Variants in CEP192 observed in about 807,000 individuals in gnomAD.
The protein encoded by CEP192 is centrosomal protein 192, also known as centrosomal protein of 192 kDa.
A neutral mutation model predicts 271.8 loss-of-function variants in CEP192; 151 were observed. That is an observed-to-expected ratio of 0.56 (90% CI 0.49 to 0.64). CEP192 has a LOEUF of 0.64. Ranked by LOEUF, CEP192 falls within the 30% of genes least tolerant of loss-of-function variation. The pLI, the probability that CEP192 is intolerant of heterozygous loss-of-function variation, is 0.00. For missense variants in CEP192, 2,910 were observed against 3,020.5 expected (o/e 0.96, Z 0.86); for synonymous variants, 995 against 1,076.5 (o/e 0.92, Z 1.48).
Position 13,073,095 on chromosome 18 carries a change from A to G in CEP192, c.5526A>G (p.Val1842=), listed in dbSNP as rs989188810. 6.2e-7 allele frequency: 1 copy of G among 1,613,740 alleles called. No homozygotes were observed. The highest frequency in any genetic ancestry group is 1.7e-5 in the Admixed American group (1 of 59,942). ...CAAAGGAAGACATTTTCATCTCTGTATTATTTGCACCTACTCGATTATCTT... is the reference window on the plus strand; with the variant it reads ...CAAAGGAAGACATTTTCATCTCTGTGTTATTTGCACCTACTCGATTATCTT... ...IHPKEDIFIS[V]LFAPTRLSCM... is the part of the protein sequence containing the mutation. Residue 1842 remains valine, a synonymous_variant, in exon 30 of 45, where the codon GTA becomes GTG. Transcript: ENST00000506447.
chr18:13,087,797 G>A (rs1021396046), intron 32 of CEP192, 151 bp downstream of exon 32: 1 of 430,120 alleles, frequency 2.3e-6, no homozygotes, highest in Non-Finnish European at 4.1e-6. Context: ...TGGATGATGA[G>A]CTACCACAAT....
At chr18:13,080,148 A>C (rs904643964) in intron 30 of CEP192, among the ~76,000 whole-genome samples, 2 of 152,128 alleles carry the variant, frequency 1.3e-5, no homozygotes, top group Non-Finnish European at 2.9e-5. Context: ...ATGAACTTTA[A>C]AGTAGTTTTT....
chr18:13,030,920 T>C (rs1196230762), intron 11 of CEP192, among the ~76,000 whole-genome samples: 1 of 152,166 alleles, frequency 6.6e-6, no homozygotes, highest in East Asian at 1.9e-4. Flanking sequence ...ATTTGTGACC[T>C]GAGCAAAGGA....
chr18:13,111,700 G>C (rs943616073), intron 40 of CEP192, among the ~76,000 whole-genome samples: 8 of 152,130 alleles, frequency 5.3e-5, no homozygotes, highest in African/African-American at 1.9e-4. Flanking sequence ...ACAGAGAATA[G>C]GGACAAAAAT....
At chr18:13,022,076 A>AT (rs2035027096) in intron 9 of CEP192, among the ~76,000 whole-genome samples, 2 of 151,870 alleles carry the variant, frequency 1.3e-5, no homozygotes, top group East Asian at 1.9e-4. Context: ...TTTGAGATTC[A>AT]TTTTTTTGCA....
chr18:13,113,343 C>A (rs1156707181), intron 40 of CEP192, among the ~76,000 whole-genome samples: 3 of 152,196 alleles, frequency 2.0e-5, no homozygotes, highest in African/African-American at 7.2e-5. Flanking sequence ...CACAGTAAAG[C>A]ATTTATTGTA....
chr18:13,019,287 C>A, intron 9 of CEP192, 81 bp downstream of exon 9: 1 of 1,182,284 alleles, frequency 8.5e-7, no homozygotes, highest in South Asian at 2.3e-5. Context: ...CAGTTTTTTT[C>A]AAAGAAACAG....
At chr18:13,120,521 A>G (rs2040613153) in intron 44 of CEP192, among the ~76,000 whole-genome samples, 1 of 152,248 alleles carries the variant, frequency 6.6e-6, no homozygotes, top group East Asian at 1.9e-4. Context: ...GTGAGAAAAT[A>G]TTTTTAAATT....
At chr18:13,099,245 C>A (rs936373631) in intron 36 of CEP192, among the ~76,000 whole-genome samples, 1 of 151,696 alleles carries the variant, frequency 6.6e-6, no homozygotes, top group African/African-American at 2.4e-5. Context: ...TGAGTTTTGC[C>A]CTTGCGTCAT....
At chr18:13,117,726 C>A in intron 44 of CEP192, 83 bp downstream of exon 44, 1 of 953,830 alleles carries the variant, frequency 1.0e-6, no homozygotes, top group Non-Finnish European at 1.7e-6. Flanking sequence ...GAGGTCTCCT[C>A]TGCTGCAGGT....
intron 40 of CEP192, among the ~76,000 whole-genome samples, chr18:13,105,573 C>T (rs369154883): frequency 2.0e-5 from 3 of 152,118 alleles, no homozygotes; most frequent in Non-Finnish European, 2.9e-5. Context: ...TTCTAATTGC[C>T]GAAACTTACT....
At chr18:13,123,260 A>T (rs1221827323) in intron 44 of CEP192, among the ~76,000 whole-genome samples, 1 of 152,214 alleles carries the variant, frequency 6.6e-6, no homozygotes, top group Non-Finnish European at 1.5e-5. Context: ...GATTTTTTTT[A>T]AAAAGTACAT....
intron 42 of CEP192, 41 bp from the exon 43 acceptor site, chr18:13,116,336 G>A: frequency 6.3e-7 from 1 of 1,592,334 alleles, no homozygotes; most frequent in Non-Finnish European, 8.5e-7. Context: ...AAGTTACTGT[G>A]GATTTCAGAT....
chr18:13,086,931 C>T (rs1233623110), intron 30 of CEP192, 86 bp from the exon 31 acceptor site: 21 of 938,308 alleles, frequency 2.2e-5, no homozygotes, highest in Admixed American at 2.2e-4. Context: ...TGTATTAAAT[C>T]TTTCTGAATT....
intron 21 of CEP192, 49 bp from the exon 22 acceptor site, chr18:13,067,782 C>T (rs757622759): frequency 6.7e-7 from 1 of 1,493,646 alleles, no homozygotes. Context: ...ACATGTTGTG[C>T]TATTAATATA....
intron 42 of CEP192, among the ~76,000 whole-genome samples, chr18:13,115,638 G>A (rs2145098141): frequency 6.6e-6 from 1 of 152,296 alleles, no homozygotes; most frequent in East Asian, 1.9e-4. Flanking sequence ...CAGGCAGACT[G>A]GAGATAGGAG....
At chr18:13,007,399 T>C (rs1316728562) in intron 3 of CEP192, among the ~76,000 whole-genome samples, 1 of 152,202 alleles carries the variant, frequency 6.6e-6, no homozygotes. Context: ...TCGAGTGCCC[T>C]GCTCTCAACT....
intron 38 of CEP192, among the ~76,000 whole-genome samples, chr18:13,101,262 T>C (rs1219681520): frequency 6.6e-6 from 1 of 152,184 alleles, no homozygotes; most frequent in East Asian, 1.9e-4. Context: ...AAAATGAACT[T>C]TGTGTTAGAG....
rs756341333 is a variant in CEP192, at chr18:13,052,881, CTGGAGAA to C, written c.3018-37_3018-31del. ...TTTGCTAATGTAGATAGTTGAAGGACTGGAGAACTCCAGGTGTGAGCTACTCTTCTCT... is the reference window on the plus strand; with the variant it reads ...TTTGCTAATGTAGATAGTTGAAGGACCTCCAGGTGTGAGCTACTCTTCTCT... On this transcript the variant is annotated intron_variant, in intron 17 of 44. Transcript: ENST00000506447. 2.5e-5 allele frequency: 35 copies of C among 1,383,614 alleles called. No individual in the cohort carries two copies. In the African/African-American group the frequency reaches 5.1e-4, roughly 20 times the overall value. The allele number at this position is 1,383,614 out of a possible 1,614,324, so 85.7% of individuals were successfully genotyped here. A position where few individuals can be genotyped will look rare whatever the true frequency, so the allele number is the denominator to read the frequency against.
Sources: gnomAD v4.1 joint callset for allele counts (sites outside exome capture counted in the v4.1 genomes callset) on GRCh38, gnomAD v4.1.1 for gene constraint, MANE v1.5 for transcripts, NCBI Gene and HGNC (gene_info 2026-07-23, HGNC 2026-07-21) for gene names.